Variants in BCL2L11 observed in about 807,000 individuals in gnomAD.
The protein encoded by BCL2L11 is bcl-2-like protein 11.
BCL2L11 carries 15 observed loss-of-function variants against 20.6 expected under a neutral mutation model. The ratio of observed to expected loss-of-function variants is 0.73; its 90% CI spans 0.49 to 1.12. The LOEUF is 1.12. BCL2L11 is among the 50% of genes most tolerant of loss of function. BCL2L11 has a pLI of 0.00. For missense variants in BCL2L11, 292 were observed against 260.9 expected (o/e 1.12, Z -0.82); for synonymous variants, 108 against 92.8 (o/e 1.16, Z -0.94).
At chr2:111,123,422 C>T (rs1402516062) in intron 1 of BCL2L11, 12 of 985,348 alleles carry the variant, frequency 1.2e-5, no homozygotes, top group African/African-American at 1.7e-5. Flanking sequence ...AGAAGTCTGT[C>T]CTGGGCAAAG....
At chr2:111,121,639 G>C (rs2070961005) in intron 1 of BCL2L11, among the ~76,000 whole-genome samples, 1 of 152,214 alleles carries the variant, frequency 6.6e-6, no homozygotes, top group Non-Finnish European at 1.5e-5. Flanking sequence ...GGTTTTTTGG[G>C]GCGCGTGGGC....
At chr2:111,162,644 T>G (rs960975214) in intron 3 of BCL2L11, 1 of 152,200 alleles carries the variant, frequency 6.6e-6, no homozygotes, top group Non-Finnish European at 1.5e-5. Context: ...GCCCCCTCAT[T>G]GGTGTCCTGA....
intron 1 of BCL2L11, among the ~76,000 whole-genome samples, chr2:111,122,503 C>T (rs2150124003): frequency 1.3e-5 from 2 of 152,210 alleles, no homozygotes; most frequent in East Asian, 3.9e-4. Context: ...TAGGCGCCGC[C>T]CCCACCGCGG....
intron 2 of BCL2L11, among the ~76,000 whole-genome samples, chr2:111,142,709 A>C (rs1325502831): frequency 6.6e-6 from 1 of 152,136 alleles, no homozygotes; most frequent in Non-Finnish European, 1.5e-5. Flanking sequence ...CCTTAATGTG[A>C]GTTTAGGAGA....
intron 3 of BCL2L11, chr2:111,162,751 T>C (rs2078710124): frequency 6.6e-6 from 1 of 152,250 alleles, no homozygotes; most frequent in Admixed American, 6.5e-5. Flanking sequence ...ATTGATTACT[T>C]AGCCCATCAT....
At chr2:111,164,071 TCCCACCCCTC>T (rs2078899930) in intron 3 of BCL2L11, 52 bp from the exon 4 acceptor site, 9 of 664,964 alleles carry the variant, frequency 1.4e-5, no homozygotes, top group Non-Finnish European at 2.6e-5. Flanking sequence ...AAATATGGGC[TCCCACCCCTC>T]CCCACCCCCA....
At chr2:111,140,097 G>A (rs903770803) in intron 2 of BCL2L11, among the ~76,000 whole-genome samples, 1 of 152,222 alleles carries the variant, frequency 6.6e-6, no homozygotes, top group Non-Finnish European at 1.5e-5. Flanking sequence ...TGAGGAAACC[G>A]AACTTGGGGA....
chr2:111,141,160 T>C (rs1426121393), intron 2 of BCL2L11, among the ~76,000 whole-genome samples: 1 of 152,176 alleles, frequency 6.6e-6, no homozygotes, highest in Non-Finnish European at 1.5e-5. Context: ...CATAGCAGTG[T>C]AGGGAGTTGG....
intron 2 of BCL2L11, among the ~76,000 whole-genome samples, chr2:111,136,040 A>T (rs1041537893): frequency 9.3e-5 from 14 of 151,196 alleles, no homozygotes. Flanking sequence ...TGGAAGATCA[A>T]CTCCCCACTC....
intron 2 of BCL2L11, among the ~76,000 whole-genome samples, chr2:111,132,541 T>C (rs2074137795): frequency 6.6e-6 from 1 of 152,232 alleles, no homozygotes; most frequent in Non-Finnish European, 1.5e-5. Flanking sequence ...TTAGTCTCAT[T>C]ATACTTAGCC....
In BCL2L11 at chr2:111,146,272, A is replaced by G. The variant is rs150272389; in HGVS notation, c.395-3772A>G. The G allele has an allele frequency of 9.3e-5, 90 of 964,810 alleles. No homozygotes were observed. In the East Asian group the frequency reaches 9.4e-3, roughly 101 times the overall value. 59.8% of individuals were successfully genotyped at this position (964,810 alleles called of 1,614,324 possible). On this transcript the variant is annotated intron_variant, in intron 2 of 3. Coordinates refer to ENST00000393256, the MANE Select transcript of BCL2L11 (RefSeq NM_138621.5). Reference sequence around the variant, plus strand: ...AGTAAGAGCTTTCATTTCAAATAAAACCATTTTATAGACCAGGTATCAACA... The same window carrying G: ...AGTAAGAGCTTTCATTTCAAATAAAGCCATTTTATAGACCAGGTATCAACA...
At chr2:111,133,074 C>T (rs574819893) in intron 2 of BCL2L11, among the ~76,000 whole-genome samples, 1 of 152,242 alleles carries the variant, frequency 6.6e-6, no homozygotes, top group Admixed American at 6.5e-5. Context: ...CTTAACTGAA[C>T]TTATGCAAAT....
chr2:111,131,732 A>G (rs1273829042), intron 2 of BCL2L11: 2 of 152,096 alleles, frequency 1.3e-5, no homozygotes, highest in Middle Eastern at 3.2e-3. Flanking sequence ...GTATTTACAA[A>G]CAGAAACCCT....
In BCL2L11 at chr2:111,152,248, G is replaced by A. The variant is rs1354578666; in HGVS notation, c.498+2101G>A. Among the ~76,000 whole-genome samples, 4 of 152,216 alleles carry A rather than the reference G, an allele frequency of 2.6e-5. No homozygotes were observed. In the East Asian group the frequency reaches 7.7e-4, roughly 29 times the overall value. ...GGCCTGTCTCCTTCCCGTCTGGAAG[G>A]GGCTTTGTAGACACCCTCGGGGCAA... is the stretch of plus-strand genomic sequence containing the variant. On this transcript the variant is annotated intron_variant, in intron 3 of 3. Coordinates refer to ENST00000393256, the MANE Select transcript of BCL2L11 (RefSeq NM_138621.5).
Position 111,167,885 on chromosome 2 carries a change from G to T in BCL2L11, c.*3654G>T, listed in dbSNP as rs992266317. ...CTTCAGGGGAGGTTGGGGCCCCACT[G>T]GACTGGGTGTCAAGATGTGAAAGCT... On this transcript the variant is annotated 3_prime_UTR_variant, in exon 4 of 4. Coordinates refer to ENST00000393256, the MANE Select transcript of BCL2L11 (RefSeq NM_138621.5). The T allele has an allele frequency of 2.6e-5, 4 of 152,728 alleles. No homozygotes were observed. The highest frequency in any genetic ancestry group is 9.6e-5 in the African/African-American group (4 of 41,454). The allele number at this position is 152,728 out of a possible 1,614,324, so 9.5% of individuals were successfully genotyped here.
chr2:111,142,420 G>A, intron 2 of BCL2L11: 2 of 1,524,704 alleles, frequency 1.3e-6, no homozygotes, highest in Non-Finnish European at 1.8e-6. Flanking sequence ...TATTCAAAAT[G>A]GGATAAAAAG....
At chr2:111,129,972 A>G (rs2073569140) in intron 2 of BCL2L11, among the ~76,000 whole-genome samples, 1 of 152,196 alleles carries the variant, frequency 6.6e-6, no homozygotes, top group Non-Finnish European at 1.5e-5. Flanking sequence ...GCTGAATAGT[A>G]TTCCATAGAT....
chr2:111,144,587 ACT>A (rs969687192), intron 2 of BCL2L11: 28 of 1,471,386 alleles, frequency 1.9e-5, no homozygotes, highest in Admixed American at 4.1e-5. Context: ...GCTTTGGATA[ACT>A]CTGAATTTAG....
chr2:111,166,530 A>G lies in BCL2L11; in HGVS notation c.*2299A>G, dbSNP rs2079028249. 1 of 152,690 alleles carries G rather than the reference A, an allele frequency of 6.5e-6. No homozygotes were observed. The highest frequency in any genetic ancestry group is 6.5e-5 in the Admixed American group (1 of 15,290). 9.5% of individuals were successfully genotyped at this position (152,690 alleles called of 1,614,324 possible). A position where few individuals can be genotyped will look rare whatever the true frequency, so the allele number is the denominator to read the frequency against. On this transcript the variant is annotated 3_prime_UTR_variant, in exon 4 of 4. Transcript: ENST00000393256. Reference sequence around the variant, plus strand: ...ATCAAGATGCCTCTGTGCAGAAAGTATGCCTCCCGTGGGTATACGTTTTTA... The same window carrying G: ...ATCAAGATGCCTCTGTGCAGAAAGTGTGCCTCCCGTGGGTATACGTTTTTA...
Sources: allele counts gnomAD v4.1 joint callset (sites outside exome capture counted in the v4.1 genomes callset), GRCh38; gene constraint gnomAD v4.1.1; transcripts MANE v1.5; gene names NCBI Gene and HGNC (gene_info 2026-07-23, HGNC 2026-07-21).